POU2F3: variants seen among roughly 807,000 people sequenced by gnomAD.
POU2F3 encodes the protein POU class 2 homeobox 3, also known as POU domain, class 2, transcription factor 3.
POU2F3 carries 23 observed loss-of-function variants against 59.2 expected under a neutral mutation model. The ratio of observed to expected loss-of-function variants is 0.39; its 90% CI spans 0.28 to 0.55. POU2F3 has a LOEUF of 0.55. POU2F3 is among the 20% of genes least tolerant of loss of function. POU2F3 has a pLI of 0.66. For synonymous variants in POU2F3, 190 were observed against 214.6 expected (o/e 0.89, Z 1.00); for missense variants, 473 against 544.5 (o/e 0.87, Z 1.31).
intron 2 of POU2F3, among the ~76,000 whole-genome samples, chr11:120,263,464 C>G (rs60641884): frequency 0.029 from 4,439 of 152,270 alleles, 220 homozygotes; most frequent in African/African-American, 0.1. Context: ...ATTCTGTGGT[C>G]TACTTTTATG....
chr11:120,305,512 A>G (rs1941461788), intron 7 of POU2F3, 132 bp from the exon 8 acceptor site: 1 of 1,353,510 alleles, frequency 7.4e-7, no homozygotes, highest in Admixed American at 2.2e-5. Context: ...AGACTTGGAA[A>G]GGAGCCGAGC....
intron 2 of POU2F3, among the ~76,000 whole-genome samples, chr11:120,249,179 G>C (rs897665550): frequency 6.6e-6 from 1 of 152,180 alleles, no homozygotes; most frequent in South Asian, 2.1e-4. Flanking sequence ...GGAAGCCGAG[G>C]CATAGATGAA....
intron 3 of POU2F3, among the ~76,000 whole-genome samples, chr11:120,291,659 T>C (rs79164518): frequency 0.052 from 7,893 of 152,298 alleles, 286 homozygotes; most frequent in Middle Eastern, 0.082. Context: ...CTTCATTATT[T>C]ACCAGCAGTG....
intron 8 of POU2F3, among the ~76,000 whole-genome samples, chr11:120,306,487 G>A (rs1043341396): frequency 4.6e-5 from 7 of 152,154 alleles, no homozygotes; most frequent in Non-Finnish European, 8.8e-5. Flanking sequence ...ATGCATTGCA[G>A]GATGTTTTGA....
At chr11:120,243,685 C>T (rs1291084100) in intron 1 of POU2F3, among the ~76,000 whole-genome samples, 1 of 152,196 alleles carries the variant, frequency 6.6e-6, no homozygotes, top group Non-Finnish European at 1.5e-5. Context: ...GGTGTTGGCC[C>T]ATTTTTAGGC....
At chr11:120,246,159 C>T in intron 1 of POU2F3, among the ~76,000 whole-genome samples, 1 of 152,062 alleles carries the variant, frequency 6.6e-6, no homozygotes, top group East Asian at 1.9e-4. Context: ...CCAACTGAGT[C>T]CTGGTGATAG....
intron 2 of POU2F3, chr11:120,259,345 G>A (rs1403294051): frequency 1.3e-5 from 2 of 152,238 alleles, no homozygotes; most frequent in East Asian, 1.9e-4. Flanking sequence ...GCAAGTGAGT[G>A]TCTTCAGGAG....
At chr11:120,275,512 C>G (rs1043050830) in intron 3 of POU2F3, among the ~76,000 whole-genome samples, 1 of 152,210 alleles carries the variant, frequency 6.6e-6, no homozygotes, top group African/African-American at 2.4e-5. Context: ...GGCCTCACAC[C>G]TGCTCTGTTC....
chr11:120,267,667 A>T (rs555248481), intron 2 of POU2F3, among the ~76,000 whole-genome samples: 179 of 152,252 alleles, frequency 1.2e-3, no homozygotes, highest in African/African-American at 4.2e-3. Flanking sequence ...CTTAGACCCC[A>T]TTCATTCATC....
chr11:120,281,371 TC>T (rs997742887), intron 3 of POU2F3, among the ~76,000 whole-genome samples: 1 of 151,870 alleles, frequency 6.6e-6, no homozygotes, highest in Non-Finnish European at 1.5e-5. Context: ...GGCCTGCAAC[TC>T]AGTAGCAGAG....
At chr11:120,241,786 C>T (rs1019988241) in intron 1 of POU2F3, among the ~76,000 whole-genome samples, 2 of 152,088 alleles carry the variant, frequency 1.3e-5, no homozygotes, top group African/African-American at 4.8e-5. Context: ...CTACTGGAGG[C>T]TCCCATTCTG....
chr11:120,285,616 T>C lies in POU2F3; in HGVS notation c.133-12649T>C, dbSNP rs901236456. Among the ~76,000 whole-genome samples the C allele has an allele frequency of 6.6e-6, 1 of 152,230 alleles. No homozygotes were observed. The highest frequency in any genetic ancestry group is 2.4e-5 in the African/African-American group (1 of 41,462). ...AGATTAAAAAGGAAGATTATTTTTATCCCTGTTCATGCTCAGTCCTCTTCC... is the reference window on the plus strand; with the variant it reads ...AGATTAAAAAGGAAGATTATTTTTACCCCTGTTCATGCTCAGTCCTCTTCC... On this transcript the variant is annotated intron_variant, in intron 3 of 12. Transcript: ENST00000543440. This position sits in a 1 kb window ranked among gnomAD's most constrained non-coding sequence, Gnocchi z 4.3.
At chr11:120,297,049 G>C (rs1475700418) in intron 3 of POU2F3, among the ~76,000 whole-genome samples, 2 of 152,178 alleles carry the variant, frequency 1.3e-5, no homozygotes, top group African/African-American at 4.8e-5. Context: ...CAAGAAAATG[G>C]TTTAAGCCAG....
At chr11:120,299,889 C>T (rs961498655) in intron 5 of POU2F3, among the ~76,000 whole-genome samples, 163 bp downstream of exon 5, 1 of 152,234 alleles carries the variant, frequency 6.6e-6, no homozygotes, top group African/African-American at 2.4e-5. Flanking sequence ...GGAAGGGACC[C>T]TGGCAATGCT....
intron 3 of POU2F3, among the ~76,000 whole-genome samples, chr11:120,271,814 T>G (rs1270562585): frequency 1.3e-5 from 2 of 151,868 alleles, no homozygotes; most frequent in East Asian, 3.9e-4. Context: ...CCTTGTGGGG[T>G]GAGTTGTCCC....
intron 3 of POU2F3, among the ~76,000 whole-genome samples, chr11:120,272,342 C>G (rs1351564659): frequency 6.6e-6 from 1 of 152,206 alleles, no homozygotes; most frequent in Non-Finnish European, 1.5e-5. Context: ...CCCATGAGGC[C>G]TTGCTGCACC....
chr11:120,269,977 G>C (rs759622605), intron 3 of POU2F3, among the ~76,000 whole-genome samples: 2 of 152,114 alleles, frequency 1.3e-5, no homozygotes, highest in Non-Finnish European at 2.9e-5. Flanking sequence ...GCGGGAGTGG[G>C]AGAGTTTGTT....
chr11:120,238,263 CAAG>C (rs1385653015), upstream of POU2F3, among the ~76,000 whole-genome samples: 1 of 151,960 alleles, frequency 6.6e-6, no homozygotes, highest in Non-Finnish European at 1.5e-5. Flanking sequence ...GAAAAAGAAG[CAAG>C]AAGAAGTTTC....
At chr11:120,244,815 T>G (rs1938804552) in intron 1 of POU2F3, among the ~76,000 whole-genome samples, 1 of 152,176 alleles carries the variant, frequency 6.6e-6, no homozygotes, top group East Asian at 1.9e-4. Context: ...GCAGAAGCCC[T>G]TTGCAAATGT....
Sources: gnomAD v4.1 joint callset for allele counts (sites outside exome capture counted in the v4.1 genomes callset) on GRCh38, gnomAD v4.1.1 for gene constraint, Gnocchi (gnomAD v3.1) non-coding constraint, MANE v1.5 for transcripts, NCBI Gene and HGNC (gene_info 2026-07-23, HGNC 2026-07-21) for gene names.